The following ALG12 variants were observed in gnomAD, a reference collection of about 807,000 sequenced individuals.
ALG12 encodes the protein ALG12 alpha-1,6-mannosyltransferase, also known as dol-P-Man:Man(7)GlcNAc(2)-PP-Dol alpha-1,6-mannosyltransferase.
Under a neutral mutation model 46.0 loss-of-function variants are expected in ALG12, and 36 were observed. That is an observed-to-expected ratio of 0.78 (90% confidence interval 0.60 to 1.03). ALG12 has a LOEUF of 1.03. ALG12 is among the 50% of genes least tolerant of loss of function. ALG12 has a pLI of 0.00. For synonymous variants in ALG12, 326 were observed against 291.6 expected (o/e 1.12, Z -1.20); for missense variants, 599 against 633.5 (o/e 0.95, Z 0.58).
At chr22:49,888,324 A>G in the ALG12 span, 46 of 167,030 alleles carry the variant, frequency 2.8e-4, no homozygotes, top group East Asian at 7.1e-3. Flanking sequence ...ACCTTTTAGA[A>G]AAGTTGTTTT....
intron 4 of ALG12, 37 bp downstream of exon 4, chr22:49,910,397 C>T (rs1262158745): frequency 1.9e-6 from 3 of 1,606,900 alleles, no homozygotes; most frequent in South Asian, 2.2e-5. Flanking sequence ...CCCTGCCCGG[C>T]ACCATGGGTG....
chr22:49,867,604 A>G, the ALG12 span, among the ~76,000 whole-genome samples: 1 of 152,156 alleles, frequency 6.6e-6, no homozygotes, highest in Non-Finnish European at 1.5e-5. Context: ...ATGTGCAGAA[A>G]GTCACCCACC....
chr22:49,875,856 A>AT, the ALG12 span, among the ~76,000 whole-genome samples: 5 of 151,054 alleles, frequency 3.3e-5, no homozygotes, highest in East Asian at 7.8e-4. Context: ...TGTCTTCTCC[A>AT]TTTTTTTCTC....
rs1173575970 is a variant in ALG12 at position 49,902,016 on chromosome 22, T to C, written c.*1822A>G. The C allele has an allele frequency of 1.4e-5, 2 of 139,274 alleles. No homozygotes were observed. The highest frequency in any genetic ancestry group is 2.3e-4 in the South Asian group (1 of 4,324). 8.6% of individuals were successfully genotyped at this position (139,274 alleles called of 1,614,324 possible). A position where few individuals can be genotyped will look rare whatever the true frequency, so the allele number is the denominator to read the frequency against. On this transcript the variant is annotated 3_prime_UTR_variant, in exon 10 of 10. Coordinates refer to ENST00000330817, the MANE Select transcript of ALG12 (RefSeq NM_024105.4). ...CGTGTGCACTGTGTATGCATGGTAATGTGCACGCGTGCACTGTGTGTATGC... is the reference window on the plus strand; with the variant it reads ...CGTGTGCACTGTGTATGCATGGTAACGTGCACGCGTGCACTGTGTGTATGC...
the ALG12 span, chr22:49,886,767 C>T: frequency 6.2e-7 from 1 of 1,612,394 alleles, no homozygotes; most frequent in Non-Finnish European, 8.5e-7. The surrounding 1 kb of genome is among the most constrained non-coding windows in gnomAD (Gnocchi z 7.7). Context: ...AACTCGAACT[C>T]ATGAATTCTA....
chr22:49,909,166 T>C, intron 6 of ALG12, 78 bp downstream of exon 6: 1 of 1,423,976 alleles, frequency 7.0e-7, no homozygotes, highest in Non-Finnish European at 9.9e-7. Flanking sequence ...AAGCAGCTGC[T>C]TCCACTGCCC....
chr22:49,884,613 G>T, the ALG12 span: 1 of 1,612,688 alleles, frequency 6.2e-7, no homozygotes, highest in East Asian at 2.2e-5. Flanking sequence ...GCCGGGGGAA[G>T]AATGGGAAGG....
chr22:49,866,635 A>T, the ALG12 span, among the ~76,000 whole-genome samples: 1 of 152,126 alleles, frequency 6.6e-6, no homozygotes, highest in African/African-American at 2.4e-5. Flanking sequence ...TTTTCATTTA[A>T]TCTGAGGTCA....
rs1203423129 is a variant in ALG12, at chr22:49,903,358, G to C, written c.*480C>G. On this transcript the variant is annotated 3_prime_UTR_variant, in exon 10 of 10. Coordinates refer to ENST00000330817, the MANE Select transcript of ALG12 (RefSeq NM_024105.4). ...TTGCAGTGGTGGCACCAGGGTGGGGGGGTGCGGCCGGGGCCACCATGGTCT... is the reference window on the plus strand; with the variant it reads ...TTGCAGTGGTGGCACCAGGGTGGGGCGGTGCGGCCGGGGCCACCATGGTCT... 4.4e-6 allele frequency: 2 copies of C among 457,576 alleles called. No homozygotes were observed. The highest frequency in any genetic ancestry group is 4.0e-5 in the African/African-American group (2 of 50,152). 28.3% of individuals were successfully genotyped at this position (457,576 alleles called of 1,614,324 possible). A position where few individuals can be genotyped will look rare whatever the true frequency, so the allele number is the denominator to read the frequency against.
intron 3 of ALG12, 136 bp downstream of exon 3, chr22:49,913,246 AGCC>A: frequency 7.3e-7 from 1 of 1,374,604 alleles, no homozygotes; most frequent in African/African-American, 1.4e-5. Flanking sequence ...ACCTGCTCTG[AGCC>A]GCCATGCCAC....
intron 4 of ALG12, 145 bp downstream of exon 4, chr22:49,910,289 C>G: frequency 7.8e-7 from 1 of 1,276,902 alleles, no homozygotes; most frequent in African/African-American, 1.5e-5. Flanking sequence ...AAACAAAGAG[C>G]CTGGTTTCAG....
chr22:49,872,174 G>A, the ALG12 span, among the ~76,000 whole-genome samples: 1 of 152,160 alleles, frequency 6.6e-6, no homozygotes, highest in African/African-American at 2.4e-5. Flanking sequence ...CTCAAACCCT[G>A]CTGTTGTTTT....
the ALG12 span, among the ~76,000 whole-genome samples, chr22:49,879,192 T>C: frequency 6.8e-6 from 1 of 147,740 alleles, no homozygotes; most frequent in Non-Finnish European, 1.5e-5. Context: ...TGGCGCAATC[T>C]CGGCTCACTG....
At chr22:49,864,936 AGCCC>A in the ALG12 span, among the ~76,000 whole-genome samples, 1 of 14,206 alleles carries the variant, frequency 7.0e-5, no homozygotes, top group Non-Finnish European at 1.1e-4. Context: ...TATCCCAGCA[AGCCC>A]CCCCCCCCCC....
At position 49,904,509 on chromosome 22, in the gene ALG12, G is replaced by GA. The variant is rs769490520; in HGVS notation, c.993-4dup. 6.2e-7 allele frequency: 1 copy of GA among 1,614,050 alleles called. No individual in the cohort carries two copies. The highest frequency in any genetic ancestry group is 8.5e-7 in the Non-Finnish European group (1 of 1,180,000). ...AAGACTTTTTATAGTTATTCAGCCT[G>GA]AAAAAAGAATGGTTACACATCATAG... On this transcript the variant is annotated splice_region_variant and splice_polypyrimidine_tract_variant and intron_variant, in intron 7 of 9. Transcript: ENST00000330817.
At chr22:49,883,623 T>G in the ALG12 span, 3 of 1,488,402 alleles carry the variant, frequency 2.0e-6, no homozygotes, top group South Asian at 4.4e-5. Flanking sequence ...GATCAGTGTT[T>G]TATGAACCTA....
chr22:49,877,258 ATTATTTATTTATTTATTTATTTAT>A, the ALG12 span, among the ~76,000 whole-genome samples: 82 of 144,738 alleles, frequency 5.7e-4, no homozygotes, highest in African/African-American at 1.5e-3. Context: ...AAACAGCTTT[ATTATTTATTTATTTATTTATTTAT>A]TTATTTATTT....
the ALG12 span, among the ~76,000 whole-genome samples, chr22:49,874,154 C>T: frequency 6.6e-6 from 1 of 152,166 alleles, no homozygotes; most frequent in Non-Finnish European, 1.5e-5. Flanking sequence ...GGGCAGACTC[C>T]CATCCAGTGC....
At chr22:49,896,999 G>A (rs2060485895), downstream of ALG12, among the ~76,000 whole-genome samples, 1 of 151,654 alleles carries the variant, frequency 6.6e-6, no homozygotes, top group East Asian at 1.9e-4. Context: ...ATTCCTCAAT[G>A]CTCCACCTAC....
Sources: allele counts gnomAD v4.1 joint callset (sites outside exome capture counted in the v4.1 genomes callset), GRCh38; gene constraint gnomAD v4.1.1; non-coding constraint Gnocchi (gnomAD v3.1); transcripts MANE v1.5; gene names NCBI Gene and HGNC (gene_info 2026-07-23, HGNC 2026-07-21).